The following GLRA3 variants were observed in gnomAD, a reference collection of about 807,000 sequenced individuals.
The protein encoded by GLRA3 is glycine receptor subunit alpha-3.
GLRA3 carries 44 observed loss-of-function variants against 60.4 expected under a neutral mutation model. The ratio of observed to expected loss-of-function variants is 0.73; its 90% CI spans 0.57 to 0.94. GLRA3 has a LOEUF of 0.94. GLRA3 is among the 40% of genes least tolerant of loss of function. GLRA3 has a pLI of 0.00. For missense variants in GLRA3, 508 were observed against 564.6 expected (o/e 0.90, Z 1.02); for synonymous variants, 223 against 192.9 (o/e 1.16, Z -1.29).
chr4:174,824,911 A>G (rs1020003525), intron 1 of GLRA3, among the ~76,000 whole-genome samples: 2 of 152,172 alleles, frequency 1.3e-5, no homozygotes, highest in African/African-American at 4.8e-5. Context: ...TTGTGCACAG[A>G]ATTTCGTGAA....
At chr4:174,718,416 T>C (rs1736004207) in intron 4 of GLRA3, among the ~76,000 whole-genome samples, 1 of 152,224 alleles carries the variant, frequency 6.6e-6, no homozygotes, top group Non-Finnish European at 1.5e-5. Context: ...TCTTTTCCTT[T>C]AAGAAGTCTT....
At chr4:174,810,750 T>C (rs1160676861) in intron 1 of GLRA3, among the ~76,000 whole-genome samples, 3 of 152,174 alleles carry the variant, frequency 2.0e-5, no homozygotes, top group Non-Finnish European at 4.4e-5. Flanking sequence ...TTTGTGGTTA[T>C]ATATCAATTA....
intron 7 of GLRA3, among the ~76,000 whole-genome samples, chr4:174,675,960 T>C (rs1734101318): frequency 6.6e-6 from 1 of 152,108 alleles, no homozygotes; most frequent in African/African-American, 2.4e-5. Context: ...AGCAAGAAGA[T>C]AGCATCAAAT....
At chr4:174,650,186 C>A (rs762226291) in intron 9 of GLRA3, among the ~76,000 whole-genome samples, 4 of 152,118 alleles carry the variant, frequency 2.6e-5, no homozygotes, top group Non-Finnish European at 4.4e-5. Flanking sequence ...ACTGCTATTT[C>A]TTCTGCTTTC....
chr4:174,774,082 G>A (rs1244743963), intron 2 of GLRA3, among the ~76,000 whole-genome samples: 2 of 152,182 alleles, frequency 1.3e-5, no homozygotes, highest in African/African-American at 2.4e-5. Flanking sequence ...ATCTACACAA[G>A]GAGATGAACC....
chr4:174,718,033 A>G (rs1735989267), intron 4 of GLRA3, among the ~76,000 whole-genome samples: 1 of 152,248 alleles, frequency 6.6e-6, no homozygotes, highest in South Asian at 2.1e-4. Context: ...GAGACATTAC[A>G]TAATTCTAAA....
intron 3 of GLRA3, among the ~76,000 whole-genome samples, chr4:174,736,384 A>ACAGTATAACAGTATTATG (rs1736790247): frequency 6.6e-6 from 1 of 152,144 alleles, no homozygotes; most frequent in Non-Finnish European, 1.5e-5. Context: ...ATGCAGTATT[A>ACAGTATAACAGTATTATG]CAGTATTACG....
chr4:174,655,709 A>C (rs1733170131), intron 9 of GLRA3, among the ~76,000 whole-genome samples: 1 of 152,128 alleles, frequency 6.6e-6, no homozygotes, highest in Admixed American at 6.6e-5. Flanking sequence ...AATCAAATAA[A>C]AGCAAGTGGA....
At chr4:174,703,075 C>T (rs1187810810) in intron 5 of GLRA3, among the ~76,000 whole-genome samples, 2 of 152,136 alleles carry the variant, frequency 1.3e-5, no homozygotes, top group Non-Finnish European at 2.9e-5. Flanking sequence ...TCAGAGAAAT[C>T]AACAAATTGC....
At chr4:174,682,248 A>C (rs188275616) in intron 6 of GLRA3, among the ~76,000 whole-genome samples, 5 of 152,306 alleles carry the variant, frequency 3.3e-5, no homozygotes, top group Admixed American at 2.6e-4. Context: ...AACTGAACAG[A>C]ATTTGCCGAT....
chr4:174,684,805 T>G (rs900358553), intron 5 of GLRA3, among the ~76,000 whole-genome samples: 1 of 152,126 alleles, frequency 6.6e-6, no homozygotes, highest in African/African-American at 2.4e-5. Context: ...GTCAGGAGTT[T>G]GAGACCAGCC....
At chr4:174,775,876 AC>A (rs1180558444) in intron 2 of GLRA3, among the ~76,000 whole-genome samples, 1 of 114,324 alleles carries the variant, frequency 8.7e-6, no homozygotes, top group African/African-American at 3.2e-5. Context: ...AATGTATCAT[AC>A]CAAAAATAAT....
At chr4:174,685,606 C>T (rs185309538) in intron 5 of GLRA3, among the ~76,000 whole-genome samples, 1 of 152,238 alleles carries the variant, frequency 6.6e-6, no homozygotes, top group East Asian at 1.9e-4. Context: ...GGACTTAATA[C>T]CTGCTTATAC....
chr4:174,755,473 C>T lies in GLRA3; in HGVS notation c.267+11490G>A, dbSNP rs533480253. Among the ~76,000 whole-genome samples the T allele has an allele frequency of 3.3e-5, 5 of 152,070 alleles. No individual in the cohort carries two copies. The South Asian group carries it at 1.0e-3, about 32-fold the overall frequency. ...GACAAATTAGCATAAGGAGAAAAGG[C>T]AATTCCAACAAAGCCAAATAAAGTA... is the stretch of plus-strand genomic sequence containing the variant. On this transcript the variant is annotated intron_variant, in intron 3 of 9. Coordinates refer to ENST00000274093, the MANE Select transcript of GLRA3 (RefSeq NM_006529.4).
intron 3 of GLRA3, among the ~76,000 whole-genome samples, chr4:174,765,731 C>A (rs76219773): frequency 0.084 from 12,736 of 151,974 alleles, 864 homozygotes; most frequent in East Asian, 0.38. Context: ...TGTTTCTAAC[C>A]AAATGACATA....
At chr4:174,661,768 C>T (rs1039190390) in intron 7 of GLRA3, among the ~76,000 whole-genome samples, 22 of 152,124 alleles carry the variant, frequency 1.4e-4, no homozygotes, top group Admixed American at 9.8e-4. Context: ...AGCTATGGCC[C>T]TACAGGTCTC....
intron 1 of GLRA3, among the ~76,000 whole-genome samples, chr4:174,790,087 A>G (rs1297596520): frequency 6.6e-6 from 1 of 152,198 alleles, no homozygotes; most frequent in Non-Finnish European, 1.5e-5. Context: ...AATCTTGGTG[A>G]TAATATGAGA....
intron 1 of GLRA3, among the ~76,000 whole-genome samples, chr4:174,812,660 A>G (rs533909881): frequency 5.9e-5 from 9 of 152,280 alleles, no homozygotes; most frequent in African/African-American, 2.2e-4. Flanking sequence ...ATTACGCTAT[A>G]CCTCAAGGTT....
intron 2 of GLRA3, among the ~76,000 whole-genome samples, chr4:174,785,770 ATTC>A (rs553236962): frequency 4.0e-5 from 6 of 151,802 alleles, no homozygotes; most frequent in South Asian, 2.1e-4. Flanking sequence ...CACAATTCCC[ATTC>A]TTCTTCTTTT....
Sources: allele counts gnomAD v4.1 joint callset (sites outside exome capture counted in the v4.1 genomes callset), GRCh38; gene constraint gnomAD v4.1.1; transcripts MANE v1.5; gene names NCBI Gene and HGNC (gene_info 2026-07-23, HGNC 2026-07-21).